Variants in BEX4 observed in about 807,000 individuals in gnomAD.
The protein encoded by BEX4 is brain expressed X-linked 4, also known as protein BEX4.
For synonymous variants in BEX4, 37 were observed against 33.5 expected, an observed-to-expected ratio of 1.11 and a Z score of -0.36; for missense variants, 110 against 96.5, an observed-to-expected ratio of 1.14 and a Z score of -0.59.
At chrX:103,216,103 T>C in intron 2 of BEX4, 46 bp from the exon 3 acceptor site, 1 of 1,127,208 alleles carries the variant, frequency 8.9e-7, no homozygotes, top group Non-Finnish European at 1.2e-6. Flanking sequence ...TCAGTGCTTA[T>C]CAGTCCACCA....
Position 103,216,712 on chromosome X carries a change from A to T in BEX4, c.*196A>T. 2.5e-6 allele frequency: 1 copy of T among 400,265 alleles called. No individual in the cohort carries two copies. Among genetic ancestry groups the T allele is most frequent in the Non-Finnish European group, 4.1e-6 (1 of 241,411 alleles). 33.0% of individuals were successfully genotyped at this position (400,265 alleles called of 1,213,427 possible). ...GCAATTCACCTATTTTAGGAAAAAT[A>T]CTCTTTTCATAATATGAAATGCATA... On this transcript the variant is annotated 3_prime_UTR_variant, in exon 3 of 3. Coordinates refer to ENST00000372695, the MANE Select transcript of BEX4 (RefSeq NM_001080425.4).
intron 2 of BEX4, 21 bp from the exon 3 acceptor site, chrX:103,216,126 ATT>A (rs780554909): frequency 7.1e-6 from 8 of 1,130,951 alleles, no homozygotes; most frequent in Non-Finnish European, 9.3e-6. Context: ...AATTCAGCCC[ATT>A]TTCTCTCTCT....
Position 103,216,577 on chromosome X carries a change from A to G in BEX4, c.*61A>G. The G allele has an allele frequency of 4.6e-6, 5 of 1,096,237 alleles. No homozygotes were observed. The highest frequency in any genetic ancestry group is 6.1e-6 in the Non-Finnish European group (5 of 825,877). The allele number at this position is 1,096,237 out of a possible 1,213,427, so 90.3% of individuals were successfully genotyped here. On this transcript the variant is annotated 3_prime_UTR_variant, in exon 3 of 3. Coordinates refer to ENST00000372695, the MANE Select transcript of BEX4 (RefSeq NM_001080425.4). ...TGCTTTACAAGCTTGTATTTTTGTG[A>G]TTTACTTTTTCTGTAAGCCTTTTGG...
In BEX4 at chrX:103,217,206, A is replaced by C. The variant is rs953781895; in HGVS notation, c.*690A>C. ...CAATATCAAGATAAATCTGACTTTG[A>C]TGGGCAAGTAATTAAAAAAGAAAAG... On this transcript the variant is annotated 3_prime_UTR_variant, in exon 3 of 3. Coordinates refer to ENST00000372695, the MANE Select transcript of BEX4 (RefSeq NM_001080425.4). The C allele has an allele frequency of 1.6e-5, 2 of 123,038 alleles. No individual in the cohort carries two copies. The highest frequency in any genetic ancestry group is 6.5e-5 in the African/African-American group (2 of 30,667). The allele number at this position is 123,038 out of a possible 1,213,427, so 10.1% of individuals were successfully genotyped here. A position where few individuals can be genotyped will look rare whatever the true frequency, so the allele number is the denominator to read the frequency against.
chrX:103,216,637 A>T lies in BEX4; in HGVS notation c.*121A>T. 1.2e-6 allele frequency: 1 copy of T among 831,709 alleles called. No individual in the cohort carries two copies. Among genetic ancestry groups the T allele is most frequent in the East Asian group, 3.3e-5 (1 of 30,488 alleles). 68.5% of individuals were successfully genotyped at this position (831,709 alleles called of 1,213,427 possible). ...TTACCAGTTTCTAATGGAAATTAGA[A>T]TTCTAATTGAATATTGTTTTGTCTC... On this transcript the variant is annotated 3_prime_UTR_variant, in exon 3 of 3. Coordinates refer to ENST00000372695, the MANE Select transcript of BEX4 (RefSeq NM_001080425.4).
intron 1 of BEX4, 92 bp downstream of exon 1, chrX:103,215,330 A>G: frequency 1.6e-6 from 1 of 622,706 alleles, no homozygotes. Flanking sequence ...GCGGAGAAGC[A>G]ATCGGTCCGC....
At chrX:103,215,790 C>CG in intron 2 of BEX4, 26 bp downstream of exon 2, 1 of 873,416 alleles carries the variant, frequency 1.1e-6, no homozygotes, top group Non-Finnish European at 1.4e-6. Context: ...GGTGGTGAGG[C>CG]GGGGGCCGGA....
Position 103,216,441 on chromosome X carries a change from A to G in BEX4, c.288A>G (p.Glu96=). Residue 96 remains glutamate, a synonymous_variant, in exon 3 of 3, where the codon GAA becomes GAG. Transcript: ENST00000372695. Reference sequence around the variant, plus strand: ...TGGAAATCAAGAGAAAGACTAGGGAACAGCAGATGAGGCACTATATGCGCT... The same window carrying G: ...TGGAAATCAAGAGAAAGACTAGGGAGCAGCAGATGAGGCACTATATGCGCT... ...QMMEIKRKTR[E]QQMRHYMRFQ... 8.3e-7 allele frequency: 1 copy of G among 1,211,592 alleles called. No individual in the cohort carries two copies. Among genetic ancestry groups the G allele is most frequent in the African/African-American group, 1.7e-5 (1 of 57,828 alleles).
rs56828041 is a variant in BEX4, at chrX:103,217,133, A to ATGTG, written c.*627_*630dup. The ATGTG allele has an allele frequency of 8.2e-6, 1 of 122,541 alleles. No homozygotes were observed. Among genetic ancestry groups the ATGTG allele is most frequent in the African/African-American group, 3.3e-5 (1 of 30,464 alleles). 10.1% of individuals were successfully genotyped at this position (122,541 alleles called of 1,213,427 possible). On this transcript the variant is annotated 3_prime_UTR_variant, in exon 3 of 3. Coordinates refer to ENST00000372695, the MANE Select transcript of BEX4 (RefSeq NM_001080425.4). ...TGTGTGTGTACGTAACTATATACATATGTGTGTGTGTGTATATATATAATG... is the reference window on the plus strand; with the variant it reads ...TGTGTGTGTACGTAACTATATACATATGTGTGTGTGTGTGTGTATATATATAATG...
chrX:103,217,107 G>T lies in BEX4; in HGVS notation c.*591G>T, dbSNP rs14661. The T allele has an allele frequency of 2.5e-5, 3 of 122,403 alleles. No homozygotes were observed. The highest frequency in any genetic ancestry group is 1.0e-4 in the African/African-American group (3 of 30,068). 10.1% of individuals were successfully genotyped at this position (122,403 alleles called of 1,213,427 possible). On this transcript the variant is annotated 3_prime_UTR_variant, in exon 3 of 3. Transcript: ENST00000372695. ...ATGTGTACCAAAATCAGTGCCATTG[G>T]TGTGTGTGTACGTAACTATATACAT...
Position 103,215,777 on chromosome X carries a change from G to C in BEX4, c.-6+13G>C. The C allele has an allele frequency of 1.1e-6, 1 of 895,888 alleles. No homozygotes were observed. The highest frequency in any genetic ancestry group is 1.4e-6 in the Non-Finnish European group (1 of 724,054). The allele number at this position is 895,888 out of a possible 1,213,427, so 73.8% of individuals were successfully genotyped here. A position where few individuals can be genotyped will look rare whatever the true frequency, so the allele number is the denominator to read the frequency against. ...AGGATAGGCCCAGGTCGGTGCGAGG[G>C]TCGGTGGTGAGGCGGGGGCCGGAAC... On this transcript the variant is annotated intron_variant, in intron 2 of 2. Transcript: ENST00000372695.
At chrX:103,215,640 A>G (rs931786600) in intron 1 of BEX4, 42 bp from the exon 2 acceptor site, 155 of 831,638 alleles carry the variant, frequency 1.9e-4, no homozygotes, top group Non-Finnish European at 2.2e-4. Context: ...GTTCCTAGCT[A>G]GCGTTCTGCT....
chrX:103,216,137 C>T lies in BEX4; in HGVS notation c.-5-12C>T. The T allele has an allele frequency of 6.2e-6, 7 of 1,128,746 alleles. No individual in the cohort carries two copies. The highest frequency in any genetic ancestry group is 8.2e-6 in the Non-Finnish European group (7 of 857,084). The allele number at this position is 1,128,746 out of a possible 1,213,427, so 93.0% of individuals were successfully genotyped here. On this transcript the variant is annotated splice_polypyrimidine_tract_variant and intron_variant, in intron 2 of 2. Coordinates refer to ENST00000372695, the MANE Select transcript of BEX4 (RefSeq NM_001080425.4). ...CAAGAATTCAGCCCATTTTCTCTCT[C>T]TTGTCTCCTAGGAGTAATGGAGTCC...
intron 2 of BEX4, 76 bp from the exon 3 acceptor site, chrX:103,216,073 G>C (rs1924575684): frequency 9.6e-7 from 1 of 1,037,526 alleles, no homozygotes; most frequent in Admixed American, 3.4e-5. Context: ...TTTAAAAGGT[G>C]CCTAGTAGGG....
intron 1 of BEX4, 60 bp downstream of exon 1, chrX:103,215,298 A>AG: frequency 1.4e-6 from 1 of 701,321 alleles, no homozygotes; most frequent in Non-Finnish European, 1.7e-6. Flanking sequence ...CGGCCTGCGG[A>AG]TGCCCACCCC....
In BEX4 at chrX:103,216,463, C is replaced by T. The variant is rs139178618; in HGVS notation, c.310C>T (p.Arg104Cys). The T allele has an allele frequency of 3.3e-6, 4 of 1,209,128 alleles. No individual in the cohort carries two copies. Among genetic ancestry groups the T allele is most frequent in the African/African-American group, 3.5e-5 (2 of 57,120 alleles). The change falls in exon 3 of 3, where the codon CGC becomes TGC. Residue 104 changes from arginine to cysteine, a missense_variant. Transcript: ENST00000372695. ...TREQQMRHYM[R>C]FQTPEPDNHY... is the part of the protein sequence containing the mutation. ...GGAACAGCAGATGAGGCACTATATG[C>T]GCTTCCAAACTCCTGAACCTGACAA...
rs905135216 is a variant in BEX4 at position 103,217,038 on chromosome X, G to T, written c.*522G>T. 1.7e-5 allele frequency: 2 copies of T among 120,991 alleles called. No individual in the cohort carries two copies. The highest frequency in any genetic ancestry group is 7.1e-5 in the African/African-American group (2 of 28,339). 10.0% of individuals were successfully genotyped at this position (120,991 alleles called of 1,213,427 possible). A position where few individuals can be genotyped will look rare whatever the true frequency, so the allele number is the denominator to read the frequency against. On this transcript the variant is annotated 3_prime_UTR_variant, in exon 3 of 3. Coordinates refer to ENST00000372695, the MANE Select transcript of BEX4 (RefSeq NM_001080425.4). ...CTATCGTCCAGACTCACAGAGTGGG[G>T]CTCCAGAATCTCCATTTTTAACAAA...
In BEX4 at chrX:103,216,132, T is replaced by C. The variant is rs1924577428; in HGVS notation, c.-5-17T>C. 1.8e-6 allele frequency: 2 copies of C among 1,123,548 alleles called. No homozygotes were observed. The highest frequency in any genetic ancestry group is 2.4e-5 in the South Asian group (1 of 41,379). 92.6% of individuals were successfully genotyped at this position (1,123,548 alleles called of 1,213,427 possible). On this transcript the variant is annotated splice_polypyrimidine_tract_variant and intron_variant, in intron 2 of 2. Coordinates refer to ENST00000372695, the MANE Select transcript of BEX4 (RefSeq NM_001080425.4). ...TCCACCAAGAATTCAGCCCATTTTC[T>C]CTCTCTTGTCTCCTAGGAGTAATGG...
Position 103,215,114 on chromosome X carries a change from T to G in BEX4, c.-213T>G. The G allele has an allele frequency of 1.3e-6, 1 of 753,609 alleles. No homozygotes were observed. Among genetic ancestry groups the G allele is most frequent in the Non-Finnish European group, 1.6e-6 (1 of 639,242 alleles). 62.1% of individuals were successfully genotyped at this position (753,609 alleles called of 1,213,427 possible). On this transcript the variant is annotated 5_prime_UTR_variant, in exon 1 of 3. Coordinates refer to ENST00000372695, the MANE Select transcript of BEX4 (RefSeq NM_001080425.4). ...CACGTGACCGGCCAACACTGAGTGTTGTCTCGCTCTGGCGTCAGAGCCGTC... is the reference window on the plus strand; with the variant it reads ...CACGTGACCGGCCAACACTGAGTGTGGTCTCGCTCTGGCGTCAGAGCCGTC...
Sources: gnomAD v4.1 joint callset for allele counts on GRCh38, gnomAD v4.1.1 for gene constraint, MANE v1.5 for transcripts, NCBI Gene and HGNC (gene_info 2026-07-23, HGNC 2026-07-21) for gene names.